PDE4C: variants seen among roughly 807,000 people sequenced by gnomAD.
PDE4C encodes the protein phosphodiesterase 4C.
PDE4C carries 50 observed loss-of-function variants against 63.9 expected under a neutral mutation model. The observed-to-expected ratio is 0.78, with a 90% CI of 0.62 to 0.99. The LOEUF is 0.99. PDE4C is among the 50% of genes least tolerant of loss of function. The probability of loss-of-function intolerance (pLI) is 0.00; values close to 1 mark genes in which losing one functional copy is unlikely to be tolerated. For synonymous variants in PDE4C, 377 were observed against 385.1 expected (o/e 0.98, Z 0.25); for missense variants, 777 against 899.1 (o/e 0.86, Z 1.74).
intron 1 of PDE4C, among the ~76,000 whole-genome samples, chr19:18,244,013 C>A (rs1969087821): frequency 1.3e-5 from 2 of 151,998 alleles, no homozygotes; most frequent in Non-Finnish European, 2.9e-5. Context: ...CACCACGATG[C>A]CAGGCTAATC....
chr19:18,226,899 C>G (rs1968750162), upstream of PDE4C, among the ~76,000 whole-genome samples: 6 of 152,178 alleles, frequency 3.9e-5, no homozygotes, highest in South Asian at 1.2e-3. Context: ...AGCCATTGCG[C>G]CAGGCCCAAC....
upstream of PDE4C, among the ~76,000 whole-genome samples, chr19:18,228,888 C>G (rs1968794150): frequency 6.6e-6 from 1 of 151,998 alleles, no homozygotes; most frequent in Non-Finnish European, 1.5e-5. Flanking sequence ...GTAGAGGTGC[C>G]CAGTAGTCTC....
At chr19:18,242,234 G>T (rs1969053520) in intron 1 of PDE4C, among the ~76,000 whole-genome samples, 2 of 152,030 alleles carry the variant, frequency 1.3e-5, no homozygotes, top group African/African-American at 4.8e-5. Flanking sequence ...CCAGCACTTT[G>T]GGAGGCCGAG....
chr19:18,239,169 C>G (rs1031543521), intron 1 of PDE4C, among the ~76,000 whole-genome samples: 1 of 151,972 alleles, frequency 6.6e-6, no homozygotes. Context: ...TTCCATTTAA[C>G]AAAGGAGGAA....
In PDE4C at chr19:18,220,865, G is replaced by A; in HGVS notation, c.499+9C>T. 6.2e-7 allele frequency: 1 copy of A among 1,607,276 alleles called. No homozygotes were observed. Among genetic ancestry groups the A allele is most frequent in the Non-Finnish European group, 8.5e-7 (1 of 1,177,764 alleles). ...CCTCAGCGGGGGAGGGAAGGAACAG[G>A]TACTTTACCTGCAGGAGGGAGCTGA... On this transcript the variant is annotated intron_variant, in intron 5 of 14. Transcript: ENST00000262805. The surrounding 1 kb of genome is among the most constrained non-coding windows in gnomAD (Gnocchi z 5.1).
chr19:18,245,853 T>G (rs148830506), intron 1 of PDE4C, among the ~76,000 whole-genome samples: 1 of 152,080 alleles, frequency 6.6e-6, no homozygotes, highest in African/African-American at 2.4e-5. Flanking sequence ...ATTATTATCA[T>G]TATTTTTTGA....
chr19:18,229,769 T>C (rs1194994236), upstream of PDE4C, among the ~76,000 whole-genome samples: 1 of 152,006 alleles, frequency 6.6e-6, no homozygotes. Flanking sequence ...AGGTCACATG[T>C]GTAGATGTTC....
At chr19:18,249,972 C>T (rs1969212086), upstream of PDE4C, 1 of 396,536 alleles carries the variant, frequency 2.5e-6, no homozygotes, top group Non-Finnish European at 4.4e-6. Context: ...GAGCCCAGCA[C>T]ATAGTAGGTG....
chr19:18,237,674 C>T (rs1600100640), upstream of PDE4C, among the ~76,000 whole-genome samples: 1 of 151,518 alleles, frequency 6.6e-6, no homozygotes, highest in East Asian at 1.9e-4. Context: ...AGATCAATAC[C>T]ATCCTGGCTA....
chr19:18,252,675 T>C (rs1177925580), upstream of PDE4C, among the ~76,000 whole-genome samples: 1 of 151,942 alleles, frequency 6.6e-6, no homozygotes, highest in African/African-American at 2.4e-5. Flanking sequence ...TGGAGAGCAG[T>C]GGTGCCATCT....
chr19:18,222,546 C>T (rs1307286425), intron 1 of PDE4C, among the ~76,000 whole-genome samples: 3 of 151,982 alleles, frequency 2.0e-5, no homozygotes, highest in Admixed American at 6.6e-5. Flanking sequence ...TCCAGATCTT[C>T]CTCAAAGTGG....
chr19:18,226,540 C>G (rs1036639336), upstream of PDE4C: 4 of 627,574 alleles, frequency 6.4e-6, no homozygotes, highest in African/African-American at 7.7e-5. Flanking sequence ...AGGCCGGCGG[C>G]TCCCTGACGA....
the PDE4C span, chr19:18,255,287 C>A: frequency 5.0e-6 from 2 of 399,364 alleles, no homozygotes; most frequent in Non-Finnish European, 8.8e-6. This position sits in a 1 kb window ranked among gnomAD's most constrained non-coding sequence, Gnocchi z 4.6. Flanking sequence ...GCAGAAGTGG[C>A]GGCAGCTGGG....
At chr19:18,252,105 G>A (rs1969236955), upstream of PDE4C, 6 of 399,160 alleles carry the variant, frequency 1.5e-5, no homozygotes, top group Middle Eastern at 6.3e-4. Flanking sequence ...GGAGGTCAAG[G>A]GCTCCGTTCC....
intron 1 of PDE4C, chr19:18,224,440 G>T: frequency 1.0e-6 from 1 of 985,596 alleles, no homozygotes; most frequent in Non-Finnish European, 1.2e-6. Flanking sequence ...TGGGGGATTT[G>T]GCAGCATTCG....
At chr19:18,254,932 T>C in the PDE4C span, among the ~76,000 whole-genome samples, 1 of 152,288 alleles carries the variant, frequency 6.6e-6, no homozygotes, top group South Asian at 2.1e-4. Context: ...AGCAACAGAT[T>C]TGAAAAGGAG....
exon 15 of PDE4C, chr19:18,210,883 A>G: frequency 6.6e-7 from 1 of 1,523,990 alleles, no homozygotes; most frequent in African/African-American, 1.4e-5. Flanking sequence ...CCAAGAGCCA[A>G]AGGGCTTTAC....
intron 11 of PDE4C, among the ~76,000 whole-genome samples, chr19:18,217,562 TG>T (rs1968253151): frequency 6.6e-6 from 1 of 152,144 alleles, no homozygotes; most frequent in South Asian, 2.1e-4. Context: ...GCCTGTCAAC[TG>T]AGTTTTTCAG....
upstream of PDE4C, chr19:18,250,438 C>T (rs990309845): frequency 2.5e-5 from 10 of 399,002 alleles, 1 homozygote; most frequent in Admixed American, 4.4e-4. Flanking sequence ...CACTCGGGTT[C>T]CTGTGTAACT....
Sources: gnomAD v4.1 joint callset for allele counts (sites outside exome capture counted in the v4.1 genomes callset) on GRCh38, gnomAD v4.1.1 for gene constraint, Gnocchi (gnomAD v3.1) non-coding constraint, MANE v1.5 for transcripts, NCBI Gene and HGNC (gene_info 2026-07-23, HGNC 2026-07-21) for gene names.